PRKG1: variants seen among roughly 807,000 people sequenced by gnomAD.
PRKG1 encodes the protein cGMP-dependent protein kinase 1.
PRKG1 carries 35 observed loss-of-function variants against 88.1 expected under a neutral mutation model. The ratio of observed to expected loss-of-function variants is 0.40; its 90% CI spans 0.30 to 0.53. The LOEUF (loss-of-function observed/expected upper bound fraction) is 0.53. Among genes scored for constraint, PRKG1 ranks in the 20% least tolerant of loss-of-function variants. The pLI is 0.59. For missense variants in PRKG1, 540 were observed against 839.8 expected, an observed-to-expected ratio of 0.64 and a Z score of 4.41; for synonymous variants, 303 against 292.5, an observed-to-expected ratio of 1.04 and a Z score of -0.37.
rs73343396 is a variant in PRKG1 at position 51,726,108 on chromosome 10, T to G, written c.593-78477T>G. ...GCTCTTATACACTACCTCTGTGTAA[T>G]TTCCCATAATGTAATACTGTTTGTC... On this transcript the variant is annotated intron_variant, in intron 3 of 17. Coordinates refer to ENST00000373980, the MANE Select transcript of PRKG1 (RefSeq NM_006258.4). Among the ~76,000 whole-genome samples the G allele has an allele frequency of 5.8e-3, 884 of 152,336 alleles. 7 individuals are homozygous for G. Among genetic ancestry groups the G allele is most frequent in the African/African-American group, 0.02 (836 of 41,590 alleles).
At chr10:51,928,859 A>G (rs1434346091) in intron 5 of PRKG1, among the ~76,000 whole-genome samples, 1 of 152,206 alleles carries the variant, frequency 6.6e-6, no homozygotes, top group African/African-American at 2.4e-5. Flanking sequence ...GCAATTATAT[A>G]TAGTAGTCTA....
intron 2 of PRKG1, among the ~76,000 whole-genome samples, chr10:51,358,214 T>C (rs1287968822): frequency 6.6e-6 from 1 of 151,832 alleles, no homozygotes; most frequent in Admixed American, 6.6e-5. Context: ...ATGTGGCAAA[T>C]AGGTGCTGTT....
intron 3 of PRKG1, among the ~76,000 whole-genome samples, chr10:51,492,476 G>A (rs1031873037): frequency 2.6e-5 from 4 of 152,074 alleles, no homozygotes; most frequent in African/African-American, 7.2e-5. Flanking sequence ...AGATGATTAA[G>A]TCCAAATTAG....
intron 2 of PRKG1, among the ~76,000 whole-genome samples, chr10:51,342,042 G>C (rs1189263800): frequency 6.6e-6 from 1 of 152,148 alleles, no homozygotes; most frequent in African/African-American, 2.4e-5. Context: ...TTGGGACACA[G>C]CCAAACCATA....
At chr10:51,267,330 C>A (rs970186326) in intron 2 of PRKG1, among the ~76,000 whole-genome samples, 1 of 152,100 alleles carries the variant, frequency 6.6e-6, no homozygotes, top group South Asian at 2.1e-4. Context: ...ATCATATAAA[C>A]TTTCTTATGC....
intron 5 of PRKG1, among the ~76,000 whole-genome samples, chr10:51,932,234 A>T (rs555842490): frequency 1.3e-5 from 2 of 150,608 alleles, no homozygotes; most frequent in South Asian, 2.1e-4. Flanking sequence ...TTTATTCTTT[A>T]ACTATCAATA....
At chr10:52,041,026 A>ACGAGG in intron 5 of PRKG1, among the ~76,000 whole-genome samples, 1 of 151,166 alleles carries the variant, frequency 6.6e-6, no homozygotes, top group African/African-American at 2.4e-5. Flanking sequence ...TTTAGTAGAG[A>ACGAGG]CGAGGTTTTA....
intron 3 of PRKG1, among the ~76,000 whole-genome samples, chr10:51,791,610 G>A (rs10999477): frequency 0.092 from 13,908 of 151,950 alleles, 684 homozygotes; most frequent in African/African-American, 0.1. Context: ...GTAGAATATG[G>A]TACCGATATA....
intron 3 of PRKG1, among the ~76,000 whole-genome samples, chr10:51,752,957 G>T (rs1172184817): frequency 6.6e-6 from 1 of 152,038 alleles, no homozygotes; most frequent in Non-Finnish European, 1.5e-5. Context: ...CTATAACATG[G>T]TCATTATGTA....
chr10:51,638,027 G>A (rs1398743068), intron 3 of PRKG1, among the ~76,000 whole-genome samples: 1 of 152,148 alleles, frequency 6.6e-6, no homozygotes, highest in Non-Finnish European at 1.5e-5. Flanking sequence ...AACAAGACGA[G>A]AGATCCCCAA....
chr10:51,883,589 T>A (rs1841489446), intron 4 of PRKG1, among the ~76,000 whole-genome samples: 1 of 152,200 alleles, frequency 6.6e-6, no homozygotes, highest in Non-Finnish European at 1.5e-5. Context: ...TGGGGCTGTG[T>A]CTATGCTATT....
chr10:51,118,161 G>A (rs927801873), intron 1 of PRKG1, among the ~76,000 whole-genome samples: 3 of 152,038 alleles, frequency 2.0e-5, no homozygotes, highest in Non-Finnish European at 4.4e-5. Context: ...TAAGAGCAGA[G>A]CAGCAATCTT....
At chr10:51,011,882 C>T (rs558228353) in intron 1 of PRKG1, among the ~76,000 whole-genome samples, 44 of 152,268 alleles carry the variant, frequency 2.9e-4, no homozygotes, top group African/African-American at 4.6e-4. Context: ...AGAGGTTTAA[C>T]GGACTCACAG....
At chr10:51,324,695 C>G (rs149828498) in intron 2 of PRKG1, among the ~76,000 whole-genome samples, 4 of 152,130 alleles carry the variant, frequency 2.6e-5, no homozygotes, top group African/African-American at 4.8e-5. Context: ...GAGCCGAGAT[C>G]GCGCCACTGC....
chr10:52,293,754 A>G, intron 17 of PRKG1, 48 bp from the exon 18 acceptor site: 1 of 1,484,136 alleles, frequency 6.7e-7, no homozygotes, highest in Non-Finnish European at 9.4e-7. Context: ...CCAGCTTGGA[A>G]TTCCACTAAA....
Position 51,785,927 on chromosome 10 carries a change from C to A in PRKG1, c.593-18658C>A, listed in dbSNP as rs56062100. 2.0e-5 allele frequency among the ~76,000 whole-genome samples: 3 copies of A among 152,036 alleles called. No individual in the cohort carries two copies. The South Asian group carries it at 6.2e-4, about 32-fold the overall frequency. ...TTGTATTGTCTATACAACATAATAA[C>A]GCATCTGTAGCTAGTAATGACATAG... is the stretch of plus-strand genomic sequence containing the variant. On this transcript the variant is annotated intron_variant, in intron 3 of 17. Transcript: ENST00000373980.
At chr10:51,802,038 A>G (rs1234011748) in intron 3 of PRKG1, among the ~76,000 whole-genome samples, 1 of 152,200 alleles carries the variant, frequency 6.6e-6, no homozygotes, top group African/African-American at 2.4e-5. Flanking sequence ...GGAGATTAAC[A>G]CATCACTTAA....
At chr10:51,366,092 G>C (rs1205463259) in intron 2 of PRKG1, among the ~76,000 whole-genome samples, 1 of 151,758 alleles carries the variant, frequency 6.6e-6, no homozygotes, top group Non-Finnish European at 1.5e-5. Context: ...GTTTGCATGA[G>C]GTAATTTTTT....
chr10:51,012,655 A>C (rs1843008229), intron 1 of PRKG1, among the ~76,000 whole-genome samples: 1 of 152,250 alleles, frequency 6.6e-6, no homozygotes, highest in Admixed American at 6.5e-5. Context: ...ACTTTGTGCC[A>C]GTCATCATTC....
Sources: gnomAD v4.1 joint callset for allele counts (sites outside exome capture counted in the v4.1 genomes callset) on GRCh38, gnomAD v4.1.1 for gene constraint, MANE v1.5 for transcripts, NCBI Gene and HGNC (gene_info 2026-07-23, HGNC 2026-07-21) for gene names.